EBF4: variants seen among roughly 807,000 people sequenced by gnomAD.
EBF4 encodes transcription factor COE4.
Under a neutral mutation model 67.1 loss-of-function variants are expected in EBF4, and 34 were observed. That is an observed-to-expected ratio of 0.51 (90% confidence interval 0.39 to 0.67). The LOEUF (loss-of-function observed/expected upper bound fraction) is 0.67. EBF4 is among the 30% of genes least tolerant of loss of function. EBF4 has a pLI of 0.00. For synonymous variants in EBF4, 387 were observed against 377.7 expected (o/e 1.02, Z -0.29); for missense variants, 837 against 873.3 (o/e 0.96, Z 0.52).
chr20:2,706,117 T>C (rs1331564571), intron 3 of EBF4, 80 bp downstream of exon 3: 1 of 1,548,004 alleles, frequency 6.5e-7, no homozygotes, highest in East Asian at 2.4e-5. Context: ...TAATGCCCCC[T>C]GTGCCAGGGC....
intron 6 of EBF4, among the ~76,000 whole-genome samples, chr20:2,714,480 T>C (rs946999702): frequency 5.9e-5 from 9 of 152,172 alleles, no homozygotes; most frequent in Non-Finnish European, 1.2e-4. Flanking sequence ...GCCTCTGAAG[T>C]AGCTGGGACC....
At chr20:2,738,048 C>T (rs1321727710) in intron 6 of EBF4, among the ~76,000 whole-genome samples, 1 of 152,038 alleles carries the variant, frequency 6.6e-6, no homozygotes. Context: ...GGTAGACATC[C>T]CAGGCTGGGG....
chr20:2,722,040 T>C (rs1420470132), intron 6 of EBF4, among the ~76,000 whole-genome samples: 1 of 152,172 alleles, frequency 6.6e-6, no homozygotes, highest in Non-Finnish European at 1.5e-5. Flanking sequence ...AGTTTTGTCT[T>C]TTTGAGCCTT....
At chr20:2,753,295 C>G (rs2146511532) in intron 14 of EBF4, among the ~76,000 whole-genome samples, 1 of 152,294 alleles carries the variant, frequency 6.6e-6, no homozygotes, top group South Asian at 2.1e-4. Flanking sequence ...CATCTGGCTT[C>G]TTAGAGTGGG....
At chr20:2,750,957 G>C (rs1478792439) in intron 10 of EBF4, among the ~76,000 whole-genome samples, 1 of 152,194 alleles carries the variant, frequency 6.6e-6, no homozygotes, top group Non-Finnish European at 1.5e-5. Flanking sequence ...CAGAGGTGAA[G>C]GTAGGGCTCT....
rs962080100 is a variant in EBF4, at chr20:2,711,179, A to AATAATAATAAAATT, written c.557+1538_557+1539insTAATAATAAAATTA. Among the ~76,000 whole-genome samples the AATAATAATAAAATT allele has an allele frequency of 3.3e-5, 5 of 149,660 alleles. No homozygotes were observed. In the South Asian group the frequency reaches 1.1e-3, roughly 32 times the overall value. On this transcript the variant is annotated intron_variant, in intron 6 of 16. Coordinates refer to ENST00000609451, the Ensembl canonical transcript of EBF4. ...TAATAATAATAATAATAATAATAAT[A>AATAATAATAAAATT]AAATTAAATTAAAATTAAAATGGTG...
chr20:2,722,021 C>T (rs1568574559), intron 6 of EBF4, among the ~76,000 whole-genome samples: 2 of 152,068 alleles, frequency 1.3e-5, no homozygotes, highest in Non-Finnish European at 2.9e-5. Context: ...AGTTAAATTA[C>T]TTGGAACCAG....
rs1451719973 is a variant in EBF4 at position 2,696,793 on chromosome 20, C to T, written c.137+3011C>T. 6.6e-6 allele frequency among the ~76,000 whole-genome samples: 1 copy of T among 152,208 alleles called. No homozygotes were observed. Among genetic ancestry groups the T allele is most frequent in the Non-Finnish European group, 1.5e-5 (1 of 68,030 alleles). ...ACTGCTCTTTCTGTGCCCTCCCACC[C>T]TGCCCACGGGAGTGGCTTTAATGCT... is the stretch of plus-strand genomic sequence containing the variant. On this transcript the variant is annotated intron_variant, in intron 1 of 16. Coordinates refer to ENST00000609451, the Ensembl canonical transcript of EBF4. The surrounding 1 kb of genome is among the most constrained non-coding windows in gnomAD (Gnocchi z 4.7).
At chr20:2,749,824 A>G (rs1212145962) in intron 9 of EBF4, 23 bp from the exon 10 acceptor site, 40 of 1,544,708 alleles carry the variant, frequency 2.6e-5, no homozygotes, top group Non-Finnish European at 3.5e-5. Flanking sequence ...CGGGACCTGC[A>G]GGCCTCCCCT....
At chr20:2,692,838 C>T, upstream of EBF4, 1 of 150,158 alleles carries the variant, frequency 6.7e-6, no homozygotes, top group South Asian at 1.8e-4. This position sits in a 1 kb window ranked among gnomAD's most constrained non-coding sequence, Gnocchi z 6.4. Context: ...GGCGGGATGG[C>T]CCGGGCCCGA....
exon 14 of EBF4, chr20:2,752,408 C>G (rs2088168590): frequency 7.8e-7 from 1 of 1,288,232 alleles, no homozygotes. Context: ...GCGCCCAGCC[C>G]CGGCTCGCAG....
At chr20:2,712,762 GA>G (rs1434799111) in intron 6 of EBF4, among the ~76,000 whole-genome samples, 1 of 152,166 alleles carries the variant, frequency 6.6e-6, no homozygotes, top group African/African-American at 2.4e-5. Context: ...ACCAGCAAAG[GA>G]GAATGAGAAG....
chr20:2,749,895 C>T, exon 10 of EBF4: 2 of 1,551,618 alleles, frequency 1.3e-6, no homozygotes, highest in Middle Eastern at 3.3e-4. Flanking sequence ...GCGGCACATC[C>T]CCGGGGTGGT....
intron 1 of EBF4, among the ~76,000 whole-genome samples, chr20:2,701,757 T>G (rs1269388205): frequency 6.6e-6 from 1 of 152,222 alleles, no homozygotes; most frequent in Non-Finnish European, 1.5e-5. Context: ...TTCGCTGGGC[T>G]AGATGACAGG....
In EBF4 at chr20:2,696,451, G is replaced by A. The variant is rs1047737375; in HGVS notation, c.137+2669G>A. 2.6e-5 allele frequency among the ~76,000 whole-genome samples: 4 copies of A among 152,008 alleles called. No homozygotes were observed. Among genetic ancestry groups the A allele is most frequent in the African/African-American group, 9.7e-5 (4 of 41,354 alleles). On this transcript the variant is annotated intron_variant, in intron 1 of 16. Coordinates refer to ENST00000609451, the Ensembl canonical transcript of EBF4. The surrounding 1 kb of genome is among the most constrained non-coding windows in gnomAD (Gnocchi z 4.7). Reference sequence around the variant, plus strand: ...CGCACCACTGTACTCCAGCCTGGGCGGCAGAGTGAAACTGTGCCTCAAAAA... The same window carrying A: ...CGCACCACTGTACTCCAGCCTGGGCAGCAGAGTGAAACTGTGCCTCAAAAA...
intron 15 of EBF4, among the ~76,000 whole-genome samples, chr20:2,758,284 G>C (rs542455353): frequency 2.6e-5 from 4 of 152,348 alleles, no homozygotes; most frequent in Middle Eastern, 3.4e-3. Flanking sequence ...ACATGCCCCA[G>C]AATAAGATGA....
intron 6 of EBF4, among the ~76,000 whole-genome samples, chr20:2,725,801 G>A (rs8119307): frequency 0.033 from 4,992 of 152,218 alleles, 170 homozygotes; most frequent in African/African-American, 0.084. Flanking sequence ...TCTCCATCCC[G>A]GTGTTTATAT....
chr20:2,736,560 C>T (rs1398041232), intron 6 of EBF4, among the ~76,000 whole-genome samples: 1 of 152,198 alleles, frequency 6.6e-6, no homozygotes, highest in Non-Finnish European at 1.5e-5. Flanking sequence ...ATCTCCCACA[C>T]TCATGCTGCA....
chr20:2,693,815 G>C lies in EBF4; in HGVS notation c.137+33G>C. ...CTCGGACCGGACCCGGTGCGCTCGG[G>C]TTGGACGGCTGCGCGCCGCCTCAGC... On this transcript the variant is annotated intron_variant, in intron 1 of 16. Coordinates refer to ENST00000609451, the Ensembl canonical transcript of EBF4. The surrounding 1 kb of genome is among the most constrained non-coding windows in gnomAD (Gnocchi z 4.6). The C allele has an allele frequency of 7.9e-7, 1 of 1,263,774 alleles. No homozygotes were observed. The highest frequency in any genetic ancestry group is 2.7e-5 in the South Asian group (1 of 36,502). 78.3% of individuals were successfully genotyped at this position (1,263,774 alleles called of 1,614,324 possible).
Sources: gnomAD v4.1 joint callset for allele counts (sites outside exome capture counted in the v4.1 genomes callset) on GRCh38, gnomAD v4.1.1 for gene constraint, Gnocchi (gnomAD v3.1) non-coding constraint, MANE v1.5 for transcripts, NCBI Gene and HGNC (gene_info 2026-07-23, HGNC 2026-07-21) for gene names.